GPR149: variants seen among roughly 807,000 people sequenced by gnomAD.
GPR149 encodes G protein-coupled receptor 149.
A neutral mutation model predicts 50.2 loss-of-function variants in GPR149; 50 were observed. That is an observed-to-expected ratio of 1.00 (90% CI 0.79 to 1.26). The LOEUF (loss-of-function observed/expected upper bound fraction) is 1.26, where lower values mean the gene tolerates loss of function less well. Among genes scored for constraint, GPR149 ranks in the 50% most tolerant of loss-of-function variants. The pLI is 0.00. For synonymous variants in GPR149, 405 were observed against 358.2 expected (o/e 1.13, Z -1.48); for missense variants, 983 against 895.4 (o/e 1.10, Z -1.25).
chr3:154,375,175 A>G (rs1714761854), intron 3 of GPR149, among the ~76,000 whole-genome samples: 1 of 152,136 alleles, frequency 6.6e-6, no homozygotes, highest in Non-Finnish European at 1.5e-5. Flanking sequence ...TCAATATCCA[A>G]TTTTATTTGG....
At chr3:154,367,139 T>C (rs1257921546) in intron 3 of GPR149, among the ~76,000 whole-genome samples, 4 of 152,142 alleles carry the variant, frequency 2.6e-5, no homozygotes, top group South Asian at 2.1e-4. Context: ...CTGGGTCAAG[T>C]AGGGGCTCAG....
chr3:154,427,983 T>TGG (rs1712355800), intron 1 of GPR149, among the ~76,000 whole-genome samples: 1 of 152,136 alleles, frequency 6.6e-6, no homozygotes, highest in African/African-American at 2.4e-5. Flanking sequence ...GTCTACAACG[T>TGG]GGGGGACGCT....
chr3:154,347,729 C>A (rs1305937485), intron 3 of GPR149, among the ~76,000 whole-genome samples: 1 of 152,160 alleles, frequency 6.6e-6, no homozygotes, highest in Non-Finnish European at 1.5e-5. Context: ...AAATTCAGCT[C>A]ACATTCCAAA....
At chr3:154,420,321 A>C (rs1341971555) in intron 3 of GPR149, among the ~76,000 whole-genome samples, 1 of 151,992 alleles carries the variant, frequency 6.6e-6, no homozygotes, top group Non-Finnish European at 1.5e-5. Flanking sequence ...AAAAAATCTC[A>C]TATCAATATC....
At chr3:154,372,746 A>G (rs1003766934) in intron 3 of GPR149, among the ~76,000 whole-genome samples, 2 of 152,150 alleles carry the variant, frequency 1.3e-5, no homozygotes, top group African/African-American at 4.8e-5. Context: ...ATCAAGACAT[A>G]TTTAGGTTGT....
chr3:154,337,934 T>C lies in GPR149; in HGVS notation c.1961A>G (p.Tyr654Cys). ...AACAAATCTGTTTTCTTTCCTGGAG[T>C]AACGTAGGGATGGAGATCTGACTTG... Reference protein sequence around the residue: ...STQVRSPSLRYSRKENRFVSC... With the variant: ...STQVRSPSLRCSRKENRFVSC... The change falls in exon 4 of 4, where the codon TAC becomes TGC. Residue 654 changes from tyrosine (Y) to cysteine (C), a missense_variant. Tyr to Cys is a radical substitution (Grantham distance 194). Coordinates refer to ENST00000389740, the MANE Select transcript of GPR149 (RefSeq NM_001038705.3). 1 of 1,613,046 alleles carries C rather than the reference T, an allele frequency of 6.2e-7. No individual in the cohort carries two copies. Among genetic ancestry groups the C allele is most frequent in the Non-Finnish European group, 8.5e-7 (1 of 1,179,380 alleles).
chr3:154,391,124 T>C (rs1408431810), intron 3 of GPR149, among the ~76,000 whole-genome samples: 1 of 151,966 alleles, frequency 6.6e-6, no homozygotes, highest in Non-Finnish European at 1.5e-5. Context: ...TATATGAAAG[T>C]ATAAAACTTG....
intron 3 of GPR149, among the ~76,000 whole-genome samples, chr3:154,395,233 T>G (rs10935985): frequency 6.6e-6 from 1 of 151,558 alleles, no homozygotes; most frequent in East Asian, 1.9e-4. Flanking sequence ...ATTCTTAGAA[T>G]GTGAGCAGCA....
chr3:154,396,142 C>T (rs1462243258), intron 3 of GPR149, among the ~76,000 whole-genome samples: 1 of 151,952 alleles, frequency 6.6e-6, no homozygotes, highest in African/African-American at 2.4e-5. Context: ...GGATCAACTC[C>T]CATTTTTAAA....
intron 3 of GPR149, among the ~76,000 whole-genome samples, chr3:154,398,997 A>G (rs1715359134): frequency 6.6e-6 from 1 of 152,214 alleles, no homozygotes; most frequent in Non-Finnish European, 1.5e-5. Context: ...TCATTATGTT[A>G]TAACTTTGAT....
intron 3 of GPR149, among the ~76,000 whole-genome samples, chr3:154,350,691 A>G (rs1714056945): frequency 6.6e-6 from 1 of 152,192 alleles, no homozygotes; most frequent in Admixed American, 6.5e-5. Flanking sequence ...AGATCATTCT[A>G]AAATTAAAAT....
At chr3:154,377,138 G>A (rs939179404) in intron 3 of GPR149, among the ~76,000 whole-genome samples, 72 of 151,042 alleles carry the variant, frequency 4.8e-4, no homozygotes, top group African/African-American at 9.5e-4. Flanking sequence ...GTAAAAAGAC[G>A]TGAATTGCCA....
chr3:154,423,982 T>G (rs914645177), intron 2 of GPR149, among the ~76,000 whole-genome samples: 6 of 151,878 alleles, frequency 4.0e-5, no homozygotes, highest in Non-Finnish European at 7.4e-5. Context: ...ATATCTCCTA[T>G]GCTTTAATTA....
chr3:154,418,281 G>C (rs1474404245), intron 3 of GPR149, among the ~76,000 whole-genome samples: 2 of 103,018 alleles, frequency 1.9e-5, no homozygotes, highest in Non-Finnish European at 3.9e-5. Flanking sequence ...TCTAGAACTA[G>C]AAATACCATT....
At chr3:154,362,237 C>T (rs992561778) in intron 3 of GPR149, among the ~76,000 whole-genome samples, 17 of 136,494 alleles carry the variant, frequency 1.2e-4, no homozygotes, top group African/African-American at 3.4e-4. Flanking sequence ...TGCAGTGAGC[C>T]GAGATCATGC....
chr3:154,428,447 C>T (rs1383586175), intron 1 of GPR149, among the ~76,000 whole-genome samples, 188 bp downstream of exon 1: 2 of 152,148 alleles, frequency 1.3e-5, no homozygotes, highest in African/African-American at 4.8e-5. Flanking sequence ...GTAAAGGTTT[C>T]GCAGCCAACT....
At chr3:154,388,871 A>ACACAC (rs372504228) in intron 3 of GPR149, among the ~76,000 whole-genome samples, 15,416 of 144,794 alleles carry the variant, frequency 0.11, 1,004 homozygotes, top group South Asian at 0.17. Flanking sequence ...ACATATGAAA[A>ACACAC]ACACACACAC....
At chr3:154,386,091 T>C (rs1036830657) in intron 3 of GPR149, among the ~76,000 whole-genome samples, 2 of 152,236 alleles carry the variant, frequency 1.3e-5, no homozygotes, top group African/African-American at 4.8e-5. Context: ...ACATATTTAA[T>C]GAATAAAAAT....
chr3:154,339,122 C>G (rs952573799), intron 3 of GPR149, among the ~76,000 whole-genome samples: 1 of 152,062 alleles, frequency 6.6e-6, no homozygotes, highest in African/African-American at 2.4e-5. Flanking sequence ...TGATAATGTA[C>G]CAAACTTCTA....
Sources: allele counts gnomAD v4.1 joint callset (sites outside exome capture counted in the v4.1 genomes callset), GRCh38; gene constraint gnomAD v4.1.1; transcripts MANE v1.5; gene names NCBI Gene and HGNC (gene_info 2026-07-23, HGNC 2026-07-21).